The following PAFAH1B1 variants were observed in gnomAD, a reference collection of about 807,000 sequenced individuals.
PAFAH1B1 encodes platelet-activating factor acetylhydrolase IB subunit beta.
PAFAH1B1 carries 2 observed loss-of-function variants against 57.5 expected under a neutral mutation model. That is an observed-to-expected ratio of 0.03 (90% confidence interval 0.01 to 0.11). PAFAH1B1 has a LOEUF of 0.11. Among genes scored for constraint, PAFAH1B1 ranks in the 10% least tolerant of loss-of-function variants. The pLI, the probability that PAFAH1B1 is intolerant of heterozygous loss-of-function variation, is 1.00. For synonymous variants in PAFAH1B1, 152 were observed against 169.6 expected, an observed-to-expected ratio of 0.90 and a Z score of 0.81; for missense variants, 257 against 512.0, an observed-to-expected ratio of 0.50 and a Z score of 4.81.
intron 1 of PAFAH1B1, among the ~76,000 whole-genome samples, chr17:2,629,898 G>A (rs1167170529): frequency 5.3e-5 from 8 of 152,110 alleles, no homozygotes; most frequent in Admixed American, 5.2e-4. Flanking sequence ...TATGAGAATA[G>A]CTGCCCCTGC....
At chr17:2,638,650 G>A (rs577213410) in intron 2 of PAFAH1B1, 39 of 265,500 alleles carry the variant, frequency 1.5e-4, no homozygotes, top group African/African-American at 8.6e-4. Flanking sequence ...TGGGATTACA[G>A]GCACCCGCTA....
intron 2 of PAFAH1B1, among the ~76,000 whole-genome samples, chr17:2,647,648 C>T (rs906899783): frequency 2.0e-5 from 3 of 152,092 alleles, no homozygotes; most frequent in Non-Finnish European, 4.4e-5. Context: ...TGCTCATTGC[C>T]AAATGTATTC....
intron 1 of PAFAH1B1, chr17:2,613,753 T>C: frequency 6.7e-6 from 2 of 296,934 alleles, no homozygotes; most frequent in South Asian, 4.6e-5. Context: ...CCACAGAGAG[T>C]CCCCCTGTGG....
At chr17:2,634,146 G>GT (rs2068592076) in intron 1 of PAFAH1B1, among the ~76,000 whole-genome samples, 1 of 151,436 alleles carries the variant, frequency 6.6e-6, no homozygotes, top group Admixed American at 6.6e-5. Context: ...TTTTTTGTTT[G>GT]TTTTTTTGAG....
chr17:2,630,677 T>C (rs945100595), intron 1 of PAFAH1B1, among the ~76,000 whole-genome samples: 6 of 152,204 alleles, frequency 3.9e-5, no homozygotes, highest in African/African-American at 1.4e-4. Flanking sequence ...CGGGGGAGTT[T>C]CCTCAGTTAT....
At chr17:2,609,278 G>A (rs1461794102) in intron 1 of PAFAH1B1, among the ~76,000 whole-genome samples, 1 of 152,106 alleles carries the variant, frequency 6.6e-6, no homozygotes, top group Non-Finnish European at 1.5e-5. Context: ...CCAAAGTTGT[G>A]GGATTGCAGG....
intron 2 of PAFAH1B1, among the ~76,000 whole-genome samples, chr17:2,657,478 A>G (rs1407626928): frequency 6.6e-6 from 1 of 152,188 alleles, no homozygotes; most frequent in Non-Finnish European, 1.5e-5. Flanking sequence ...TCCTGACCTC[A>G]AGTGATCCAC....
intron 2 of PAFAH1B1, among the ~76,000 whole-genome samples, chr17:2,655,985 A>G (rs2068931247): frequency 6.6e-6 from 1 of 151,960 alleles, no homozygotes; most frequent in Non-Finnish European, 1.5e-5. Context: ...GTGCAGTGGC[A>G]CGATCTCGGC....
chr17:2,653,807 A>G (rs570392667), intron 2 of PAFAH1B1, among the ~76,000 whole-genome samples: 1 of 151,892 alleles, frequency 6.6e-6, no homozygotes, highest in East Asian at 1.9e-4. Context: ...TTTATTTTTT[A>G]AATTTATTAT....
intron 2 of PAFAH1B1, among the ~76,000 whole-genome samples, chr17:2,655,203 G>T (rs1597558267): frequency 6.6e-6 from 1 of 151,666 alleles, no homozygotes; most frequent in African/African-American, 2.4e-5. Context: ...GTGTGTGTGT[G>T]TGTGTGTGTG....
chr17:2,680,034 A>G (rs1007546793), intron 9 of PAFAH1B1, 130 bp from the exon 10 acceptor site: 7 of 848,132 alleles, frequency 8.3e-6, no homozygotes, highest in Admixed American at 2.1e-5. Context: ...TTTAATCTAG[A>G]ATCCCCTAGA....
chr17:2,651,338 A>G (rs959218004), intron 2 of PAFAH1B1, among the ~76,000 whole-genome samples: 5 of 150,582 alleles, frequency 3.3e-5, no homozygotes, highest in African/African-American at 1.2e-4. Context: ...GCATTTTGGG[A>G]GACTGAGGCA....
chr17:2,637,325 G>A (rs535385279), intron 1 of PAFAH1B1, among the ~76,000 whole-genome samples: 1 of 152,236 alleles, frequency 6.6e-6, no homozygotes, highest in East Asian at 1.9e-4. Flanking sequence ...GGTTAAGAGA[G>A]CATAAGATTC....
chr17:2,652,277 T>A (rs949189130), intron 2 of PAFAH1B1, among the ~76,000 whole-genome samples: 3 of 149,962 alleles, frequency 2.0e-5, no homozygotes, highest in Admixed American at 1.3e-4. Context: ...TGGCCGGGCG[T>A]GGTGGCGGGT....
At chr17:2,632,636 A>G (rs915168129) in intron 1 of PAFAH1B1, among the ~76,000 whole-genome samples, 35 of 152,214 alleles carry the variant, frequency 2.3e-4, no homozygotes, top group Admixed American at 2.2e-3. Context: ...ATTAGAAAAA[A>G]ATATGTCTGT....
At position 2,684,325 on chromosome 17, in the gene PAFAH1B1, GT is replaced by G. The variant is rs941840045; in HGVS notation, c.*2527del. 2 of 152,732 alleles carry G rather than the reference GT, an allele frequency of 1.3e-5. No homozygotes were observed. Among genetic ancestry groups the G allele is most frequent in the African/African-American group, 4.8e-5 (2 of 41,426 alleles). The allele number at this position is 152,732 out of a possible 1,614,324, so 9.5% of individuals were successfully genotyped here. A position where few individuals can be genotyped will look rare whatever the true frequency, so the allele number is the denominator to read the frequency against. On this transcript the variant is annotated 3_prime_UTR_variant, in exon 11 of 11. Coordinates refer to ENST00000397195, the MANE Select transcript of PAFAH1B1 (RefSeq NM_000430.4). ...GATGCCCTTTCTGACTGTGTTCTCT[GT>G]TTTCTCTGTCTGCTGTCTAACCCTG...
At chr17:2,599,742 G>A (rs1339529468) in intron 1 of PAFAH1B1, among the ~76,000 whole-genome samples, 1 of 152,028 alleles carries the variant, frequency 6.6e-6, no homozygotes, top group Non-Finnish European at 1.5e-5. Flanking sequence ...TATAAAAAGT[G>A]AATTAACTCA....
intron 1 of PAFAH1B1, among the ~76,000 whole-genome samples, chr17:2,618,447 TAA>T (rs997295044): frequency 6.6e-6 from 1 of 152,076 alleles, no homozygotes; most frequent in African/African-American, 2.4e-5. Flanking sequence ...AGAAAGGAAA[TAA>T]AAAGATTGAT....
chr17:2,620,293 A>T (rs2068403159), intron 1 of PAFAH1B1, among the ~76,000 whole-genome samples: 1 of 152,204 alleles, frequency 6.6e-6, no homozygotes, highest in African/African-American at 2.4e-5. Flanking sequence ...TAACTGTAAC[A>T]TTCACCTTAG....
Sources: allele counts gnomAD v4.1 joint callset (sites outside exome capture counted in the v4.1 genomes callset), GRCh38; gene constraint gnomAD v4.1.1; transcripts MANE v1.5; gene names NCBI Gene and HGNC (gene_info 2026-07-23, HGNC 2026-07-21).